Variants in NMNAT3 observed in about 807,000 individuals in gnomAD.
The protein encoded by NMNAT3 is nicotinamide nucleotide adenylyltransferase 3.
NMNAT3 carries 21 observed loss-of-function variants against 24.8 expected under a neutral mutation model. That is an observed-to-expected ratio of 0.85 (90% CI 0.60 to 1.22). The LOEUF is 1.22. Among genes scored for constraint, NMNAT3 ranks in the 50% most tolerant of loss-of-function variants. The probability of loss-of-function intolerance (pLI) is 0.00; values close to 1 mark genes in which losing one functional copy is unlikely to be tolerated. For missense variants in NMNAT3, 387 were observed against 436.6 expected, an observed-to-expected ratio of 0.89 and a Z score of 1.01; for synonymous variants, 136 against 155.2, an observed-to-expected ratio of 0.88 and a Z score of 0.92.
intron 3 of NMNAT3, among the ~76,000 whole-genome samples, chr3:139,622,628 G>A (rs1267648040): frequency 2.7e-5 from 4 of 150,888 alleles, no homozygotes; most frequent in East Asian, 3.9e-4. Flanking sequence ...TCAGCTACTC[G>A]GGAGACTGAG....
intron 6 of NMNAT3, chr3:139,567,749 T>C (rs1042211040): frequency 6.6e-6 from 1 of 152,196 alleles, no homozygotes; most frequent in African/African-American, 2.4e-5. Flanking sequence ...TTGCCAGTAT[T>C]TTATTGAGGA....
At chr3:139,620,795 A>T (rs1240203882) in intron 3 of NMNAT3, among the ~76,000 whole-genome samples, 3 of 152,020 alleles carry the variant, frequency 2.0e-5, no homozygotes, top group African/African-American at 7.3e-5. Flanking sequence ...TTGTCCCACT[A>T]GAAGGTCTGT....
Position 139,561,203 on chromosome 3 carries a change from A to G in NMNAT3, c.848T>C (p.Ile283Thr). ...CTGCACAGGCTCCTTGGCCAGGTGA[A>G]TGTTGTGCTGGTGCATCCGTAGGAT... Residue 283 changes from isoleucine to threonine, a missense_variant, in exon 7 of 7, where the codon ATT becomes ACT. Ile to Thr is a moderately conservative substitution (Grantham distance 89, BLOSUM62 -1). Coordinates refer to ENST00000643695, the MANE Select transcript of NMNAT3 (RefSeq NM_001320510.2). The G allele has an allele frequency of 6.2e-7, 1 of 1,614,146 alleles. No individual in the cohort carries two copies. The highest frequency in any genetic ancestry group is 8.5e-7 in the Non-Finnish European group (1 of 1,180,020).
At chr3:139,657,833 GGGTGT>G (rs922692230) in intron 1 of NMNAT3, among the ~76,000 whole-genome samples, 1 of 151,278 alleles carries the variant, frequency 6.6e-6, no homozygotes, top group Non-Finnish European at 1.5e-5. Context: ...GTATCATGGT[GGGTGT>G]GGTGTGGTGG....
chr3:139,596,961 TATA>T (rs2054510668), intron 3 of NMNAT3, among the ~76,000 whole-genome samples: 83 of 112,508 alleles, frequency 7.4e-4, no homozygotes, highest in African/African-American at 1.8e-3. Context: ...TATATATATA[TATA>T]TTTTTATTAC....
At chr3:139,650,399 T>C (rs1383356639) in intron 1 of NMNAT3, among the ~76,000 whole-genome samples, 2 of 152,240 alleles carry the variant, frequency 1.3e-5, no homozygotes. Flanking sequence ...GGAAGGCTTA[T>C]GCTTAACCAA....
intron 6 of NMNAT3, chr3:139,567,768 TC>T (rs1233049908): frequency 4.6e-5 from 7 of 152,202 alleles, no homozygotes; most frequent in African/African-American, 1.7e-4. Context: ...GATTTTTGCA[TC>T]GATGTTCATC....
intron 3 of NMNAT3, among the ~76,000 whole-genome samples, chr3:139,587,939 T>C (rs1366677882): frequency 6.6e-6 from 1 of 152,178 alleles, no homozygotes; most frequent in Non-Finnish European, 1.5e-5. Flanking sequence ...GCTGGGCATG[T>C]TGGATACCCA....
intron 4 of NMNAT3, among the ~76,000 whole-genome samples, chr3:139,581,687 G>A (rs561242511): frequency 2.4e-4 from 37 of 152,290 alleles, no homozygotes; most frequent in Non-Finnish European, 4.0e-4. Context: ...ATTGATTAGA[G>A]ATGGGGTTGG....
chr3:139,568,117 G>A (rs1200372148), intron 6 of NMNAT3: 3 of 152,272 alleles, frequency 2.0e-5, no homozygotes, highest in Admixed American at 6.5e-5. Context: ...GGATTTTCTA[G>A]TTTATTTGCA....
intron 1 of NMNAT3, among the ~76,000 whole-genome samples, chr3:139,667,153 T>C (rs1217395168): frequency 6.6e-6 from 1 of 152,232 alleles, no homozygotes; most frequent in Non-Finnish European, 1.5e-5. Flanking sequence ...TGATCTACTT[T>C]TAGTTTTCTG....
intron 3 of NMNAT3, among the ~76,000 whole-genome samples, chr3:139,617,665 AAC>A (rs1175767978): frequency 6.6e-6 from 1 of 152,238 alleles, no homozygotes; most frequent in Admixed American, 6.5e-5. Flanking sequence ...ATTTAAAATA[AAC>A]ACACGTGGAT....
intron 1 of NMNAT3, among the ~76,000 whole-genome samples, chr3:139,639,534 G>T (rs1261520353): frequency 6.6e-6 from 1 of 152,164 alleles, no homozygotes; most frequent in African/African-American, 2.4e-5. Context: ...TATTGTCCCT[G>T]ATAAAATATC....
intron 3 of NMNAT3, among the ~76,000 whole-genome samples, chr3:139,615,470 C>T (rs9870883): frequency 0.9 from 132,507 of 146,432 alleles, 60,207 homozygotes; most frequent in East Asian, 0.98. Flanking sequence ...TATCCATCCA[C>T]CCACCCATCC....
chr3:139,614,114 T>C (rs1193892332), intron 3 of NMNAT3, among the ~76,000 whole-genome samples: 1 of 152,028 alleles, frequency 6.6e-6, no homozygotes, highest in Non-Finnish European at 1.5e-5. Context: ...TGTGCACATG[T>C]ACCCTAAATC....
rs185437243 is a variant in NMNAT3, at chr3:139,578,064, C to A, written c.575+808G>T. 8.2e-4 allele frequency among the ~76,000 whole-genome samples: 125 copies of A among 152,336 alleles called. 2 individuals are homozygous for A. Among genetic ancestry groups the A allele is most frequent in the Non-Finnish European group, 3.8e-4 (26 of 68,030 alleles). On this transcript the variant is annotated intron_variant, in intron 5 of 6. Coordinates refer to ENST00000643695, the MANE Select transcript of NMNAT3 (RefSeq NM_001320510.2). ...GACAAAAGACACAGCAATTTGCAAT[C>A]CCTTCCAGCAGAGCTGGTTGTCATT... is the stretch of plus-strand genomic sequence containing the variant.
intron 3 of NMNAT3, chr3:139,609,925 G>C (rs1306657231): frequency 6.6e-6 from 1 of 152,188 alleles, no homozygotes; most frequent in Non-Finnish European, 1.5e-5. Context: ...CTCCAGAGTA[G>C]CTGAGACTAC....
In NMNAT3 at chr3:139,573,679, G is replaced by T; in HGVS notation, c.577C>A (p.His193Asn). 6.3e-7 allele frequency: 1 copy of T among 1,583,916 alleles called. No individual in the cohort carries two copies. The highest frequency in any genetic ancestry group is 8.6e-7 in the Non-Finnish European group (1 of 1,163,776). The change falls in exon 6 of 7, where the codon CAT becomes AAT. Residue 193 changes from histidine to asparagine, a missense_variant and splice_region_variant. Transcript: ENST00000643695. ...GATCTGAGCAGTTTGCTGTGATGAT[G>T]CCTGTGTTGTAAACATATGGGCTCA...
At chr3:139,664,470 GA>G (rs545083618) in intron 1 of NMNAT3, among the ~76,000 whole-genome samples, 69 of 152,130 alleles carry the variant, frequency 4.5e-4, no homozygotes, top group African/African-American at 1.5e-3. Flanking sequence ...AGGGATACTG[GA>G]AAAAAAGAGT....
Sources: gnomAD v4.1 joint callset for allele counts (sites outside exome capture counted in the v4.1 genomes callset) on GRCh38, gnomAD v4.1.1 for gene constraint, MANE v1.5 for transcripts, NCBI Gene and HGNC (gene_info 2026-07-23, HGNC 2026-07-21) for gene names.